Variants in RAPGEF6 observed in about 807,000 individuals in gnomAD.
RAPGEF6 encodes the protein PDZ domain containing guanine nucleotide exchange factor (GEF) 2.
RAPGEF6 carries 56 observed loss-of-function variants against 171.4 expected under a neutral mutation model. The ratio of observed to expected loss-of-function variants is 0.33; its 90% CI spans 0.26 to 0.41. The LOEUF (loss-of-function observed/expected upper bound fraction) is 0.41, where lower values mean the gene tolerates loss of function less well. Among genes scored for constraint, RAPGEF6 ranks in the 10% least tolerant of loss-of-function variants. The pLI, the probability that RAPGEF6 is intolerant of heterozygous loss-of-function variation, is 1.00. For missense variants in RAPGEF6, 1,674 were observed against 1,921.4 expected, an observed-to-expected ratio of 0.87 and a Z score of 2.41; for synonymous variants, 692 against 650.1, an observed-to-expected ratio of 1.06 and a Z score of -0.98.
chr5:131,515,608 A>T (rs1326560859), intron 7 of RAPGEF6, among the ~76,000 whole-genome samples: 6 of 152,236 alleles, frequency 3.9e-5, no homozygotes, highest in African/African-American at 1.2e-4. Context: ...ACAAGTAACT[A>T]CCAAAAAAAG....
intron 4 of RAPGEF6, among the ~76,000 whole-genome samples, chr5:131,584,174 G>A (rs965235728): frequency 2.6e-5 from 4 of 152,198 alleles, no homozygotes; most frequent in Admixed American, 2.0e-4. Flanking sequence ...ACTATAAATC[G>A]TGCTGTTCAG....
intron 12 of RAPGEF6, 56 bp from the exon 13 acceptor site, chr5:131,495,716 A>G: frequency 6.4e-7 from 1 of 1,558,988 alleles, no homozygotes. Flanking sequence ...CTTCTGCACA[A>G]GTGGATTCCA....
intron 3 of RAPGEF6, among the ~76,000 whole-genome samples, chr5:131,601,373 G>A (rs1351708686): frequency 3.5e-5 from 5 of 143,342 alleles, no homozygotes; most frequent in Admixed American, 1.4e-4. Flanking sequence ...TGACAAGAGC[G>A]AGACTCCGTC....
At chr5:131,427,597 C>T (rs1751452075) in intron 27 of RAPGEF6, among the ~76,000 whole-genome samples, 2 of 152,088 alleles carry the variant, frequency 1.3e-5, no homozygotes, top group Non-Finnish European at 2.9e-5. Flanking sequence ...AAGACTTTTG[C>T]TAATAAAAGG....
intron 1 of RAPGEF6, among the ~76,000 whole-genome samples, chr5:131,619,458 T>TA (rs35266062): frequency 2.0e-5 from 3 of 152,304 alleles, no homozygotes; most frequent in East Asian, 1.9e-4. Flanking sequence ...TCTGAGAACT[T>TA]AAAGTATAAT....
At chr5:131,458,877 A>T (rs990090197) in intron 19 of RAPGEF6, among the ~76,000 whole-genome samples, 13 of 152,192 alleles carry the variant, frequency 8.5e-5, no homozygotes, top group Non-Finnish European at 1.6e-4. Context: ...GCTGGTCTAG[A>T]ACTCCTGAAC....
At chr5:131,596,148 C>A in intron 3 of RAPGEF6, among the ~76,000 whole-genome samples, 1 of 114,072 alleles carries the variant, frequency 8.8e-6, no homozygotes, top group Admixed American at 1.0e-4. Flanking sequence ...TGCGAGACTC[C>A]ATCATATAAA....
intron 1 of RAPGEF6, among the ~76,000 whole-genome samples, chr5:131,607,590 G>A (rs1448103024): frequency 6.6e-6 from 1 of 152,178 alleles, no homozygotes; most frequent in East Asian, 1.9e-4. Context: ...TGGGGGTTGG[G>A]TGGGGGACAG....
intron 20 of RAPGEF6, among the ~76,000 whole-genome samples, chr5:131,454,333 A>AG (rs1213834473): frequency 6.6e-6 from 1 of 152,354 alleles, no homozygotes; most frequent in East Asian, 1.9e-4. Context: ...GGAGATATGG[A>AG]ACATCATTCA....
At chr5:131,587,842 C>G (rs538802230) in intron 4 of RAPGEF6, among the ~76,000 whole-genome samples, 1 of 152,106 alleles carries the variant, frequency 6.6e-6, no homozygotes, top group African/African-American at 2.4e-5. Flanking sequence ...CCAGAGGGGT[C>G]CTGCCCCCTA....
intron 17 of RAPGEF6, among the ~76,000 whole-genome samples, chr5:131,469,116 C>T (rs953118882): frequency 2.6e-5 from 4 of 152,180 alleles, no homozygotes; most frequent in Non-Finnish European, 5.9e-5. Flanking sequence ...TAGAACAACA[C>T]ACCTTGAAAC....
At chr5:131,486,060 T>C (rs1441407012) in intron 15 of RAPGEF6, among the ~76,000 whole-genome samples, 1 of 152,202 alleles carries the variant, frequency 6.6e-6, no homozygotes, top group Non-Finnish European at 1.5e-5. Context: ...AAACTGTAAG[T>C]TTTTCTTGGT....
At chr5:131,600,712 A>G (rs1038026161) in intron 3 of RAPGEF6, among the ~76,000 whole-genome samples, 1 of 152,140 alleles carries the variant, frequency 6.6e-6, no homozygotes, top group Non-Finnish European at 1.5e-5. Flanking sequence ...ATGACTAATA[A>G]ATATTTTTAA....
At chr5:131,634,874 C>G (rs1766539482) in intron 1 of RAPGEF6, 88 bp downstream of exon 1, 2 of 1,454,166 alleles carry the variant, frequency 1.4e-6, no homozygotes, top group South Asian at 2.3e-5. Context: ...GAGACTCTGG[C>G]AAGAGGGCAG....
intron 1 of RAPGEF6, among the ~76,000 whole-genome samples, chr5:131,613,038 T>C (rs1448888039): frequency 6.6e-6 from 1 of 152,190 alleles, no homozygotes; most frequent in African/African-American, 2.4e-5. Flanking sequence ...TCTCCTTATT[T>C]TAAAGGGACA....
rs199853464 is a variant in RAPGEF6 at position 131,555,428 on chromosome 5, G to A, written c.351+6550C>T. ...AAATACTTTTAAGAAAAAAATAGTC[G>A]TGTCAATGCTGACATTTCCTACTGA... On this transcript the variant is annotated intron_variant, in intron 5 of 27. Transcript: ENST00000509018. 3.8e-3 allele frequency among the ~76,000 whole-genome samples: 31 copies of A among 8,116 alleles called. No homozygotes were observed. In the Middle Eastern group the frequency reaches 0.19, roughly 49 times the overall value. The allele number at this position is 8,116 out of a possible 152,430, so 5.3% of individuals were successfully genotyped here.
At chr5:131,468,028 CAAA>C (rs980713248) in intron 17 of RAPGEF6, among the ~76,000 whole-genome samples, 1 of 142,586 alleles carries the variant, frequency 7.0e-6, no homozygotes, top group Non-Finnish European at 1.5e-5. Context: ...GAGGCTCTGT[CAAA>C]AAAAAAAATC....
rs753314481 is a variant in RAPGEF6, at chr5:131,433,441, T to C, written c.3963A>G (p.Gln1321=). 1.5e-5 allele frequency: 24 copies of C among 1,610,678 alleles called. No individual in the cohort carries two copies. The highest frequency in any genetic ancestry group is 5.3e-5 in the African/African-American group (4 of 74,846). The change falls in exon 25 of 28, where the codon CAA becomes CAG. Residue 1321 remains glutamine, a synonymous_variant. Coordinates refer to ENST00000509018, the MANE Select transcript of RAPGEF6 (RefSeq NM_016340.6). ...EHASGIGDHS[Q]HGPGWTLLKP... The stretch of plus-strand genomic sequence containing the variant: ...ACAATGATGCTTACCCAGGGCCATG[T>C]TGACTATGATCTCCTATCCCTGAAG...
intron 4 of RAPGEF6, among the ~76,000 whole-genome samples, chr5:131,568,061 C>G (rs996608218): frequency 1.3e-5 from 2 of 152,158 alleles, no homozygotes; most frequent in African/African-American, 4.8e-5. Context: ...CTTATTTGTG[C>G]TTTTACAGCT....
Sources: gnomAD v4.1 joint callset for allele counts (sites outside exome capture counted in the v4.1 genomes callset) on GRCh38, gnomAD v4.1.1 for gene constraint, MANE v1.5 for transcripts, NCBI Gene and HGNC (gene_info 2026-07-23, HGNC 2026-07-21) for gene names.